Variants in PALLD observed in about 807,000 individuals in gnomAD.
The protein encoded by PALLD is palladin.
A neutral mutation model predicts 123.5 loss-of-function variants in PALLD; 61 were observed. That is an observed-to-expected ratio of 0.49 (90% CI 0.40 to 0.61). The LOEUF (loss-of-function observed/expected upper bound fraction) is 0.61. Among genes scored for constraint, PALLD ranks in the 20% least tolerant of loss-of-function variants. PALLD has a pLI of 0.00. For synonymous variants in PALLD, 465 were observed against 496.4 expected (o/e 0.94, Z 0.84); for missense variants, 1,273 against 1,377.0 (o/e 0.92, Z 1.20).
chr4:168,688,772 C>T (rs746353051), intron 6 of PALLD, among the ~76,000 whole-genome samples: 5 of 151,774 alleles, frequency 3.3e-5, no homozygotes, highest in Admixed American at 6.6e-5. Context: ...TTTGACTTTC[C>T]GACACTGAAA....
chr4:168,633,072 A>G (rs1012953433), intron 2 of PALLD, among the ~76,000 whole-genome samples: 4 of 152,224 alleles, frequency 2.6e-5, no homozygotes, highest in African/African-American at 9.7e-5. Context: ...TTAACATCCT[A>G]GTAGGTTAAG....
At chr4:168,547,551 A>C (rs1413113398) in intron 2 of PALLD, among the ~76,000 whole-genome samples, 1 of 125,592 alleles carries the variant, frequency 8.0e-6, no homozygotes, top group African/African-American at 3.1e-5. Flanking sequence ...GTGAAACATT[A>C]TCTCTAATAA....
At chr4:168,803,065 G>A (rs1739590024) in intron 10 of PALLD, among the ~76,000 whole-genome samples, 1 of 152,172 alleles carries the variant, frequency 6.6e-6, no homozygotes. Context: ...TGTTAAAAAT[G>A]ATTGGTGATT....
At chr4:168,800,103 A>G (rs1739104536) in intron 10 of PALLD, among the ~76,000 whole-genome samples, 2 of 152,190 alleles carry the variant, frequency 1.3e-5, no homozygotes, top group Admixed American at 1.3e-4. Context: ...AATATAGAAC[A>G]TTTGCTTTAA....
At chr4:168,509,419 A>G (rs1248638974) in intron 1 of PALLD, among the ~76,000 whole-genome samples, 1 of 152,204 alleles carries the variant, frequency 6.6e-6, no homozygotes, top group Non-Finnish European at 1.5e-5. Context: ...ATATATTACT[A>G]TACCTTTGCC....
At chr4:168,721,651 CT>C (rs898288886) in intron 10 of PALLD, among the ~76,000 whole-genome samples, 2 of 152,084 alleles carry the variant, frequency 1.3e-5, no homozygotes, top group African/African-American at 4.8e-5. Flanking sequence ...TAAATAGGTA[CT>C]TTTGATCCTT....
At chr4:168,887,949 A>G (rs577827299) in intron 10 of PALLD, among the ~76,000 whole-genome samples, 31 of 152,292 alleles carry the variant, frequency 2.0e-4, no homozygotes, top group African/African-American at 7.5e-4. Flanking sequence ...AGGGAGAGAC[A>G]ATATGAAAAA....
At chr4:168,707,179 G>A (rs1784308040) in intron 8 of PALLD, among the ~76,000 whole-genome samples, 2 of 152,142 alleles carry the variant, frequency 1.3e-5, no homozygotes, top group South Asian at 2.1e-4. Context: ...GGTCTGAAAC[G>A]TTTGCTCTTA....
intron 10 of PALLD, among the ~76,000 whole-genome samples, chr4:168,835,357 A>G (rs1422225218): frequency 6.6e-6 from 1 of 152,212 alleles, no homozygotes; most frequent in East Asian, 1.9e-4. Context: ...ACATTAAAAG[A>G]GCACTAAAGC....
At chr4:168,569,116 C>T (rs1018382958) in intron 2 of PALLD, among the ~76,000 whole-genome samples, 3 of 152,084 alleles carry the variant, frequency 2.0e-5, no homozygotes, top group African/African-American at 4.8e-5. Flanking sequence ...AGAAAAATAT[C>T]TCCTTTACCT....
chr4:168,625,585 G>A (rs1045459946), intron 2 of PALLD, among the ~76,000 whole-genome samples: 1 of 127,004 alleles, frequency 7.9e-6, no homozygotes, highest in Non-Finnish European at 1.8e-5. Flanking sequence ...AAAATAACCT[G>A]ATTTTTAAAT....
At chr4:168,921,406 C>CCA in intron 17 of PALLD, 128 bp from the exon 18 acceptor site, 1 of 361,160 alleles carries the variant, frequency 2.8e-6, no homozygotes, top group East Asian at 5.0e-5. Flanking sequence ...AAACTCTGTC[C>CCA]AAAAAAAAAA....
At chr4:168,798,010 A>T (rs1052840867) in intron 10 of PALLD, among the ~76,000 whole-genome samples, 1 of 152,194 alleles carries the variant, frequency 6.6e-6, no homozygotes, top group Non-Finnish European at 1.5e-5. Context: ...AGGGTATCAC[A>T]TTCAAAATTG....
intron 2 of PALLD, among the ~76,000 whole-genome samples, chr4:168,665,066 A>G (rs573300890): frequency 6.6e-6 from 1 of 152,332 alleles, no homozygotes; most frequent in Admixed American, 6.5e-5. Context: ...ATTTCACAAA[A>G]TGATGTAGAA....
At chr4:168,592,707 A>G (rs1181584917) in intron 2 of PALLD, among the ~76,000 whole-genome samples, 1 of 150,768 alleles carries the variant, frequency 6.6e-6, no homozygotes, top group East Asian at 2.0e-4. Flanking sequence ...TATCTCTCCT[A>G]TAGATGTAGT....
At chr4:168,705,473 C>T (rs979285727) in intron 8 of PALLD, among the ~76,000 whole-genome samples, 3 of 152,198 alleles carry the variant, frequency 2.0e-5, no homozygotes, top group African/African-American at 7.2e-5. Context: ...ACAAGTCTTT[C>T]CATTCATTTA....
chr4:168,737,497 C>G (rs1787875173), intron 10 of PALLD, among the ~76,000 whole-genome samples: 1 of 151,728 alleles, frequency 6.6e-6, no homozygotes, highest in African/African-American at 2.4e-5. Flanking sequence ...CTGGGTGACA[C>G]AAATGGAAGA....
At chr4:168,794,902 C>T (rs770386859) in intron 10 of PALLD, among the ~76,000 whole-genome samples, 2 of 152,154 alleles carry the variant, frequency 1.3e-5, no homozygotes, top group South Asian at 2.1e-4. Context: ...CCATTATAGA[C>T]TGGGTGGCTT....
chr4:168,626,135 G>A (rs928292178), intron 2 of PALLD, among the ~76,000 whole-genome samples: 5 of 144,544 alleles, frequency 3.5e-5, no homozygotes, highest in South Asian at 2.2e-4. Context: ...GCGTAGTGGC[G>A]GGCACCTGTA....
Sources: allele counts gnomAD v4.1 joint callset (sites outside exome capture counted in the v4.1 genomes callset), GRCh38; gene constraint gnomAD v4.1.1; transcripts MANE v1.5; gene names NCBI Gene and HGNC (gene_info 2026-07-23, HGNC 2026-07-21).